GALNTL6: variants seen among roughly 807,000 people sequenced by gnomAD.
GALNTL6 encodes the protein polypeptide N-acetylgalactosaminyltransferase-like 6.
GALNTL6 carries 46 observed loss-of-function variants against 73.7 expected under a neutral mutation model. The observed-to-expected ratio is 0.62, with a 90% CI of 0.49 to 0.80. The LOEUF is 0.80. Among genes scored for constraint, GALNTL6 ranks in the 30% least tolerant of loss-of-function variants. The pLI is 0.00. For missense variants in GALNTL6, 604 were observed against 755.0 expected (o/e 0.80, Z 2.34); for synonymous variants, 259 against 263.7 (o/e 0.98, Z 0.17).
chr4:172,716,825 C>G (rs565591458), intron 5 of GALNTL6, among the ~76,000 whole-genome samples: 1 of 152,310 alleles, frequency 6.6e-6, no homozygotes, highest in South Asian at 2.1e-4. Flanking sequence ...CTAAGTCTCA[C>G]TATGGAAAAG....
At chr4:172,143,350 T>A (rs1041982932) in intron 2 of GALNTL6, among the ~76,000 whole-genome samples, 13 of 152,130 alleles carry the variant, frequency 8.5e-5, no homozygotes, top group African/African-American at 3.1e-4. Context: ...TTTTATTATG[T>A]TTAAACATTT....
intron 2 of GALNTL6, among the ~76,000 whole-genome samples, chr4:172,055,610 G>C (rs1321494013): frequency 1.3e-5 from 2 of 152,042 alleles, no homozygotes; most frequent in African/African-American, 4.8e-5. Context: ...CAAATCCAAA[G>C]TCCGTTTAGT....
chr4:172,552,682 C>T (rs1309460607), intron 5 of GALNTL6, among the ~76,000 whole-genome samples: 2 of 150,956 alleles, frequency 1.3e-5, no homozygotes, highest in African/African-American at 2.4e-5. Context: ...TCAATTATCC[C>T]TTCTTAAAAA....
At chr4:172,992,013 A>G (rs1751564296) in intron 10 of GALNTL6, among the ~76,000 whole-genome samples, 2 of 152,242 alleles carry the variant, frequency 1.3e-5, no homozygotes, top group Admixed American at 1.3e-4. Context: ...TTAAACTTTT[A>G]GTTCTATCTT....
rs77784586 is a variant in GALNTL6 at position 172,889,810 on chromosome 4, G to A, written c.1041+6903G>A. 4.4e-3 allele frequency among the ~76,000 whole-genome samples: 670 copies of A among 152,144 alleles called. 7 individuals are homozygous for A. The highest frequency in any genetic ancestry group is 0.015 in the African/African-American group (623 of 41,524). ...GGAGTCCTTCCTTGTTGATTTTTTG[G>A]AATAATTTTAGTAGAATTGGTAGCA... On this transcript the variant is annotated intron_variant, in intron 8 of 12. Transcript: ENST00000506823.
intron 5 of GALNTL6, among the ~76,000 whole-genome samples, chr4:172,413,476 T>C (rs1274544486): frequency 6.6e-6 from 1 of 152,194 alleles, no homozygotes; most frequent in Non-Finnish European, 1.5e-5. Context: ...TATTCCCCTG[T>C]AGGTTTTCAA....
intron 2 of GALNTL6, among the ~76,000 whole-genome samples, chr4:172,181,236 T>A (rs1190868508): frequency 6.6e-6 from 1 of 152,124 alleles, no homozygotes; most frequent in Admixed American, 6.5e-5. Context: ...ACTGGTAAAC[T>A]GAATCCAGCA....
chr4:172,194,019 G>T (rs1407818387), intron 2 of GALNTL6, among the ~76,000 whole-genome samples: 1 of 152,168 alleles, frequency 6.6e-6, no homozygotes, highest in African/African-American at 2.4e-5. Flanking sequence ...GCTTCAGAAG[G>T]TGGGTAGTAA....
chr4:171,824,107 A>G (rs994613626), intron 2 of GALNTL6, among the ~76,000 whole-genome samples: 2 of 134,046 alleles, frequency 1.5e-5, no homozygotes, highest in Non-Finnish European at 3.3e-5. Context: ...ATATATATAT[A>G]TATGTAAAAT....
chr4:172,127,801 C>G (rs1733344276), intron 2 of GALNTL6, among the ~76,000 whole-genome samples: 2 of 152,178 alleles, frequency 1.3e-5, no homozygotes, highest in Admixed American at 6.6e-5. Context: ...TTATCAGGGA[C>G]ATACATAAAA....
chr4:173,005,875 T>C (rs985931330), intron 10 of GALNTL6, among the ~76,000 whole-genome samples: 1 of 152,210 alleles, frequency 6.6e-6, no homozygotes, highest in African/African-American at 2.4e-5. Context: ...TTTATCCCAT[T>C]GTCTACACAG....
intron 10 of GALNTL6, among the ~76,000 whole-genome samples, chr4:172,982,127 A>G (rs937828647): frequency 4.6e-5 from 7 of 152,184 alleles, no homozygotes; most frequent in African/African-American, 1.4e-4. Flanking sequence ...CTTTTGATCC[A>G]AGAACACAGA....
chr4:172,877,702 G>A (rs2111179958), intron 7 of GALNTL6, among the ~76,000 whole-genome samples: 1 of 151,488 alleles, frequency 6.6e-6, no homozygotes, highest in African/African-American at 2.4e-5. Context: ...TAAATATTCA[G>A]AAAAGTCATG....
At chr4:172,738,055 G>C (rs542615047) in intron 5 of GALNTL6, among the ~76,000 whole-genome samples, 2 of 152,304 alleles carry the variant, frequency 1.3e-5, no homozygotes, top group South Asian at 4.1e-4. Flanking sequence ...TACTTTGTTT[G>C]TTTCTGCCTG....
chr4:172,909,112 C>T (rs746505763), intron 8 of GALNTL6, among the ~76,000 whole-genome samples: 19 of 151,612 alleles, frequency 1.3e-4, no homozygotes, highest in East Asian at 7.7e-4. Context: ...CAAATCAAGA[C>T]GGAGACAATA....
chr4:172,267,435 T>C (rs1738486362), intron 3 of GALNTL6, among the ~76,000 whole-genome samples: 1 of 152,104 alleles, frequency 6.6e-6, no homozygotes, highest in South Asian at 2.1e-4. Flanking sequence ...GTTACCAGTG[T>C]AAGGGCCCAA....
chr4:171,966,170 A>G (rs1249224415), intron 2 of GALNTL6, among the ~76,000 whole-genome samples: 1 of 152,142 alleles, frequency 6.6e-6, no homozygotes, highest in East Asian at 1.9e-4. Flanking sequence ...GTCATAGGGG[A>G]GATCCTAAAC....
rs147826320 is a variant in GALNTL6 at position 172,663,210 on chromosome 4, G to A, written c.554-146151G>A. On this transcript the variant is annotated intron_variant, in intron 5 of 12. Transcript: ENST00000506823. ...TAGGTGCAATGGGAATATGTGATCT[G>A]AACTATAATAGTATCACTCTGGGTA... Among the ~76,000 whole-genome samples the A allele has an allele frequency of 9.7e-4, 148 of 152,256 alleles. 1 individual carries two copies. The East Asian group carries it at 0.023, about 23-fold the overall frequency.
chr4:172,644,406 A>G (rs1400383829), intron 5 of GALNTL6, among the ~76,000 whole-genome samples: 1 of 151,968 alleles, frequency 6.6e-6, no homozygotes, highest in Non-Finnish European at 1.5e-5. Flanking sequence ...TCCACTTTCA[A>G]CAACCTCTAA....
Sources: gnomAD v4.1 joint callset for allele counts (sites outside exome capture counted in the v4.1 genomes callset) on GRCh38, gnomAD v4.1.1 for gene constraint, MANE v1.5 for transcripts, NCBI Gene and HGNC (gene_info 2026-07-23, HGNC 2026-07-21) for gene names.